NAALADL2: variants seen among roughly 807,000 people sequenced by gnomAD.
NAALADL2 encodes the protein inactive N-acetylated-alpha-linked acidic dipeptidase-like protein 2.
In NAALADL2, 76 loss-of-function variants were observed where a neutral mutation model predicts 87.2. The ratio of observed to expected loss-of-function variants is 0.87; its 90% confidence interval spans 0.72 to 1.05. The LOEUF (loss-of-function observed/expected upper bound fraction) is 1.05. Among genes scored for constraint, NAALADL2 ranks in the 50% least tolerant of loss-of-function variants. The pLI is 0.00. For missense variants in NAALADL2, 1,089 were observed against 945.8 expected, an observed-to-expected ratio of 1.15 and a Z score of -1.99; for synonymous variants, 354 against 331.0, an observed-to-expected ratio of 1.07 and a Z score of -0.75.
At chr3:174,530,231 A>G (rs1030791246) in intron 1 of NAALADL2, among the ~76,000 whole-genome samples, 1 of 152,214 alleles carries the variant, frequency 6.6e-6, no homozygotes, top group Non-Finnish European at 1.5e-5. Context: ...GGATAGAGGC[A>G]AAATGCACCA....
intron 5 of NAALADL2, among the ~76,000 whole-genome samples, chr3:175,444,194 T>G (rs1025737386): frequency 3.3e-5 from 5 of 152,160 alleles, no homozygotes; most frequent in Non-Finnish European, 5.9e-5. Context: ...TACAGCATCT[T>G]AAGAAGTTTC....
At chr3:175,296,833 G>T (rs1363999025) in intron 4 of NAALADL2, among the ~76,000 whole-genome samples, 1 of 152,144 alleles carries the variant, frequency 6.6e-6, no homozygotes, top group African/African-American at 2.4e-5. Context: ...CAGAAATGAA[G>T]TGATTTGATT....
intron 1 of NAALADL2, among the ~76,000 whole-genome samples, chr3:174,927,496 A>G (rs1736243348): frequency 6.6e-6 from 1 of 152,230 alleles, no homozygotes; most frequent in Non-Finnish European, 1.5e-5. Context: ...TACAGAAATT[A>G]TAACAAACTG....
At chr3:174,526,374 C>G (rs558491826) in intron 1 of NAALADL2, among the ~76,000 whole-genome samples, 77 of 152,260 alleles carry the variant, frequency 5.1e-4, no homozygotes, top group Middle Eastern at 3.4e-3. Flanking sequence ...CTTTGGCATG[C>G]TTTACAACCT....
intron 2 of NAALADL2, among the ~76,000 whole-genome samples, chr3:175,232,227 AG>A (rs376065794): frequency 3.4e-5 from 5 of 146,026 alleles, no homozygotes; most frequent in Non-Finnish European, 6.0e-5. Context: ...AAGAAGAAGA[AG>A]AGGAAGAGGA....
intron 2 of NAALADL2, among the ~76,000 whole-genome samples, chr3:175,120,618 A>C (rs1726006287): frequency 1.3e-5 from 2 of 151,834 alleles, no homozygotes; most frequent in African/African-American, 4.8e-5. Flanking sequence ...TGCATGTTAC[A>C]ATGGTCTTGC....
At chr3:175,571,486 G>C (rs1050179588) in intron 9 of NAALADL2, among the ~76,000 whole-genome samples, 1 of 152,134 alleles carries the variant, frequency 6.6e-6, no homozygotes, top group Non-Finnish European at 1.5e-5. Flanking sequence ...CTTCCATGGT[G>C]CTTAACTTCT....
chr3:175,235,682 G>A (rs984443370), intron 3 of NAALADL2: 1 of 152,324 alleles, frequency 6.6e-6, no homozygotes, highest in Non-Finnish European at 1.5e-5. Context: ...CTCAGCTCAT[G>A]TCTTCTCCTA....
intron 12 of NAALADL2, among the ~76,000 whole-genome samples, chr3:175,740,741 C>T (rs1170420006): frequency 6.6e-6 from 1 of 152,206 alleles, no homozygotes; most frequent in Non-Finnish European, 1.5e-5. Context: ...CTAGGGCGGA[C>T]ATGTTCCTCC....
chr3:175,497,953 A>T (rs1469418952), intron 9 of NAALADL2, among the ~76,000 whole-genome samples: 1 of 152,090 alleles, frequency 6.6e-6, no homozygotes, highest in African/African-American at 2.4e-5. Context: ...CACTCAATTA[A>T]TGTTAGTGTG....
At chr3:175,099,217 C>T (rs1233811341) in intron 2 of NAALADL2, among the ~76,000 whole-genome samples, 1 of 151,988 alleles carries the variant, frequency 6.6e-6, no homozygotes, top group Non-Finnish European at 1.5e-5. Context: ...ATAATAATTA[C>T]ATTAAAATAT....
At chr3:174,545,622 T>G (rs997168208) in intron 1 of NAALADL2, among the ~76,000 whole-genome samples, 2 of 152,186 alleles carry the variant, frequency 1.3e-5, no homozygotes, top group African/African-American at 4.8e-5. Context: ...GATATCTATA[T>G]GCCTTTTCAA....
intron 7 of NAALADL2, 45 bp downstream of exon 7, chr3:175,463,538 A>G: frequency 2.0e-6 from 2 of 996,120 alleles, no homozygotes; most frequent in Non-Finnish European, 3.0e-6. Context: ...ATATGAAACT[A>G]TACAAGGAAA....
At chr3:174,637,559 G>A (rs2060536683) in intron 2 of NAALADL2, among the ~76,000 whole-genome samples, 1 of 151,970 alleles carries the variant, frequency 6.6e-6, no homozygotes, top group Non-Finnish European at 1.5e-5. Context: ...TCAGAATGAT[G>A]TACAAAATTC....
intron 2 of NAALADL2, among the ~76,000 whole-genome samples, chr3:174,563,021 T>C (rs1025058853): frequency 6.6e-6 from 1 of 152,082 alleles, no homozygotes; most frequent in Non-Finnish European, 1.5e-5. Context: ...ATTTAGTTTT[T>C]TGTGACATAG....
chr3:175,690,298 G>A lies in NAALADL2; in HGVS notation c.1897-47008G>A, dbSNP rs150649698. On this transcript the variant is annotated intron_variant, in intron 11 of 13. Transcript: ENST00000454872. Reference sequence around the variant, plus strand: ...AGGCACTGGAGAAATAATATTCAGGGCCTTTGTACTGTATTCTCACATCTG... The same window carrying A: ...AGGCACTGGAGAAATAATATTCAGGACCTTTGTACTGTATTCTCACATCTG... Among the ~76,000 whole-genome samples the A allele has an allele frequency of 8.8e-4, 134 of 152,048 alleles. 7 individuals carry two copies. In the East Asian group the frequency reaches 0.022, roughly 25 times the overall value.
chr3:174,487,308 A>C (rs1365427506), intron 1 of NAALADL2, among the ~76,000 whole-genome samples: 1 of 152,096 alleles, frequency 6.6e-6, no homozygotes. Flanking sequence ...AGATGTCTCT[A>C]ATTAATACAT....
At chr3:174,963,533 C>T (rs1026094603) in intron 1 of NAALADL2, among the ~76,000 whole-genome samples, 5 of 152,088 alleles carry the variant, frequency 3.3e-5, no homozygotes, top group African/African-American at 9.7e-5. Flanking sequence ...TGTGACTCTG[C>T]GGAATATCCC....
intron 2 of NAALADL2, among the ~76,000 whole-genome samples, chr3:175,209,808 A>T (rs1741496615): frequency 6.6e-6 from 1 of 151,782 alleles, no homozygotes; most frequent in Non-Finnish European, 1.5e-5. Context: ...AGAACCTATA[A>T]ATATCATCAA....
Sources: allele counts gnomAD v4.1 joint callset (sites outside exome capture counted in the v4.1 genomes callset), GRCh38; gene constraint gnomAD v4.1.1; transcripts MANE v1.5; gene names NCBI Gene and HGNC (gene_info 2026-07-23, HGNC 2026-07-21).